PTPRN: variants seen among roughly 807,000 people sequenced by gnomAD.
The protein encoded by PTPRN is protein tyrosine phosphatase receptor type N, also known as receptor-type tyrosine-protein phosphatase-like N.
A neutral mutation model predicts 108.5 loss-of-function variants in PTPRN; 70 were observed. The ratio of observed to expected loss-of-function variants is 0.65; its 90% confidence interval spans 0.53 to 0.79. The LOEUF (loss-of-function observed/expected upper bound fraction) is 0.79. Ranked by LOEUF, PTPRN falls within the 30% of genes least tolerant of loss-of-function variation. The pLI, the probability that PTPRN is intolerant of heterozygous loss-of-function variation, is 0.00. For missense variants in PTPRN, 1,136 were observed against 1,295.5 expected, an observed-to-expected ratio of 0.88 and a Z score of 1.89; for synonymous variants, 496 against 524.6, an observed-to-expected ratio of 0.95 and a Z score of 0.75.
At chr2:219,307,979 T>C (rs1952526207) in intron 1 of PTPRN, 137 bp from the exon 2 acceptor site, 3 of 801,962 alleles carry the variant, frequency 3.7e-6, no homozygotes, top group Non-Finnish European at 6.2e-6. Context: ...GGGAGGAGAG[T>C]AGGAATCAGG....
At chr2:219,298,925 C>T in intron 12 of PTPRN, 122 bp downstream of exon 12, 6 of 1,214,492 alleles carry the variant, frequency 4.9e-6, no homozygotes, top group Admixed American at 3.4e-5. Context: ...CGAAGGCCGC[C>T]TCCAGCCAGC....
At position 219,294,923 on chromosome 2, in the gene PTPRN, C is replaced by G. The variant is rs1952146857; in HGVS notation, c.2675+52G>C. 4 of 1,393,152 alleles carry G rather than the reference C, an allele frequency of 2.9e-6. 1 individual carries two copies. Among genetic ancestry groups the G allele is most frequent in the Middle Eastern group, 5.2e-4 (2 of 3,868 alleles). The allele number at this position is 1,393,152 out of a possible 1,614,324, so 86.3% of individuals were successfully genotyped here. On this transcript the variant is annotated intron_variant, in intron 19 of 22. Coordinates refer to ENST00000295718, the MANE Select transcript of PTPRN (RefSeq NM_002846.4). ...TCCAGGCCGAGCGGCGGGCGGACCCCGGCTCCGCCCCCGCCCATGCGGTCC... is the reference window on the plus strand; with the variant it reads ...TCCAGGCCGAGCGGCGGGCGGACCCGGGCTCCGCCCCCGCCCATGCGGTCC...
intron 19 of PTPRN, chr2:219,292,884 G>C (rs1176241591): frequency 6.6e-6 from 1 of 152,206 alleles, no homozygotes; most frequent in East Asian, 1.9e-4. Flanking sequence ...ACATGTGAGG[G>C]ATCTAGGTTG....
At position 219,309,365 on chromosome 2, in the gene PTPRN, G is replaced by A. The variant is rs1574937427; in HGVS notation, c.-33C>T. 4 of 1,199,040 alleles carry A rather than the reference G, an allele frequency of 3.3e-6. No homozygotes were observed. The highest frequency in any genetic ancestry group is 3.3e-5 in the Admixed American group (1 of 29,898). 74.3% of individuals were successfully genotyped at this position (1,199,040 alleles called of 1,614,324 possible). On this transcript the variant is annotated 5_prime_UTR_variant, in exon 1 of 23. Transcript: ENST00000295718. Reference sequence around the variant, plus strand: ...AGCTCCGGGCGCTCGCTCCCGGGCCGGAGCCGCAGCGACGCTGGCGGGAGC... The same window carrying A: ...AGCTCCGGGCGCTCGCTCCCGGGCCAGAGCCGCAGCGACGCTGGCGGGAGC...
Position 219,296,684 on chromosome 2 carries a change from A to T in PTPRN, c.2310+65T>A. On this transcript the variant is annotated intron_variant, in intron 16 of 22. Coordinates refer to ENST00000295718, the MANE Select transcript of PTPRN (RefSeq NM_002846.4). This position sits in a 1 kb window ranked among gnomAD's most constrained non-coding sequence, Gnocchi z 6.0. ...GTGGGGTGGCAGGTGACCACGGGGA[A>T]ATGGAGTGCATAGGGCCAGGATAAT... 6.3e-7 allele frequency: 1 copy of T among 1,593,778 alleles called. No homozygotes were observed. Among genetic ancestry groups the T allele is most frequent in the Non-Finnish European group, 8.6e-7 (1 of 1,166,252 alleles).
rs1295016678 is a variant in PTPRN at position 219,296,979 on chromosome 2, A to G, written c.2236+6T>C. ...TGGGCCAGGTGGGCCAGCAGGGTTC[A>G]CTCACAGGGCAGGAAGTCAGGATGC... is the stretch of plus-strand genomic sequence containing the variant. On this transcript the variant is annotated splice_donor_region_variant and intron_variant, in intron 15 of 22. Transcript: ENST00000295718. This position sits in a 1 kb window ranked among gnomAD's most constrained non-coding sequence, Gnocchi z 6.0. 5 of 1,613,420 alleles carry G rather than the reference A, an allele frequency of 3.1e-6. No homozygotes were observed. The highest frequency in any genetic ancestry group is 4.2e-6 in the Non-Finnish European group (5 of 1,179,848).
rs201186808 is a variant in PTPRN at position 219,302,219 on chromosome 2, C to A, written c.912G>T (p.Arg304=). 6.2e-6 allele frequency: 10 copies of A among 1,614,106 alleles called. No homozygotes were observed. Among genetic ancestry groups the A allele is most frequent in the Non-Finnish European group, 8.5e-6 (10 of 1,179,992 alleles). Residue 304 remains arginine (R), a synonymous_variant, in exon 6 of 23, where the codon CGG becomes CGT. Transcript: ENST00000295718. The part of the protein sequence containing the change: ...PRLPEQGSSS[R]AEDSPEGYEK... ...CATAGCCCTCTGGGGAGTCCTCTGC[C>A]CGGCTGCTGCTCCCTTGCTCTGGCA...
Position 219,296,014 on chromosome 2 carries a change from T to C in PTPRN, c.2508+212A>G, listed in dbSNP as rs951228632. On this transcript the variant is annotated intron_variant, in intron 18 of 22. Transcript: ENST00000295718. This position sits in a 1 kb window ranked among gnomAD's most constrained non-coding sequence, Gnocchi z 6.0. ...CACACACACACACACATGTATGTTCTGTAAACAGGACACACACATGTATAT... is the reference window on the plus strand; with the variant it reads ...CACACACACACACACATGTATGTTCCGTAAACAGGACACACACATGTATAT... The C allele has an allele frequency of 1.4e-5, 9 of 648,664 alleles. No individual in the cohort carries two copies. Among genetic ancestry groups the C allele is most frequent in the African/African-American group, 1.1e-4 (6 of 54,606 alleles). The allele number at this position is 648,664 out of a possible 1,614,324, so 40.2% of individuals were successfully genotyped here. A position where few individuals can be genotyped will look rare whatever the true frequency, so the allele number is the denominator to read the frequency against.
In PTPRN at chr2:219,302,183, T is replaced by C; in HGVS notation, c.948A>G (p.Gly316=). Residue 316 remains glycine, a synonymous_variant, in exon 6 of 23, where the codon GGA becomes GGG. Coordinates refer to ENST00000295718, the MANE Select transcript of PTPRN (RefSeq NM_002846.4). ...CAGGCTTCTCTCCACGATCCCCTAGTCCTTCCTTCTCATAGCCCTCTGGGG... is the reference window on the plus strand; with the variant it reads ...CAGGCTTCTCTCCACGATCCCCTAGCCCTTCCTTCTCATAGCCCTCTGGGG... ...EDSPEGYEKE[G]LGDRGEKPAS... 3 of 1,608,302 alleles carry C rather than the reference T, an allele frequency of 1.9e-6. No homozygotes were observed. The highest frequency in any genetic ancestry group is 2.6e-6 in the Non-Finnish European group (3 of 1,175,510).
At chr2:219,304,127 C>A in intron 3 of PTPRN, 2 of 245,376 alleles carry the variant, frequency 8.2e-6, no homozygotes, top group Non-Finnish European at 1.6e-5. Context: ...GGATTTATAC[C>A]TCCTAGGATT....
chr2:219,296,020 C>T lies in PTPRN; in HGVS notation c.2508+206G>A. ...CACACACACATGTATGTTCTGTAAA[C>T]AGGACACACACATGTATATATGTGA... On this transcript the variant is annotated intron_variant, in intron 18 of 22. Coordinates refer to ENST00000295718, the MANE Select transcript of PTPRN (RefSeq NM_002846.4). The surrounding 1 kb of genome is among the most constrained non-coding windows in gnomAD (Gnocchi z 6.0). 1.5e-6 allele frequency: 1 copy of T among 656,818 alleles called. No individual in the cohort carries two copies. 40.7% of individuals were successfully genotyped at this position (656,818 alleles called of 1,614,324 possible).
In PTPRN at chr2:219,302,676, A is replaced by C. The variant is rs758325118; in HGVS notation, c.539T>G (p.Leu180Arg). The C allele has an allele frequency of 6.2e-7, 1 of 1,613,236 alleles. No homozygotes were observed. Among genetic ancestry groups the C allele is most frequent in the Admixed American group, 1.7e-5 (1 of 59,938 alleles). ...CAGGTGCTCCAAGAGAGGCGGGAGC[A>C]GCTCAGCCTGCAGAGGGGACAGAGA... is the stretch of plus-strand genomic sequence containing the variant. ...SSSLSPLQAELLPPLLEHLLL... is the reference protein window; with the variant it reads ...SSSLSPLQAERLPPLLEHLLL... Residue 180 changes from leucine (L) to arginine (R), a missense_variant, in exon 5 of 23, where the codon CTG (leucine) becomes CGG (arginine). Physicochemically the swap from Leu to Arg is moderately radical, Grantham distance 102. Coordinates refer to ENST00000295718, the MANE Select transcript of PTPRN (RefSeq NM_002846.4).
At position 219,290,266 on chromosome 2, in the gene PTPRN, G is replaced by A. The variant is rs760812099; in HGVS notation, c.2900C>T (p.Ala967Val). The change falls in exon 23 of 23, where the codon GCG becomes GTG. Residue 967 changes from alanine (A) to valine (V), a missense_variant. Transcript: ENST00000295718. This position sits in a 1 kb window ranked among gnomAD's most constrained non-coding sequence, Gnocchi z 4.2. The part of the protein sequence containing the change: ...DQFEFALTAV[A>V]EEVNAILKAL... ...CTTGAGGATGGCATTCACTTCCTCC[G>A]CCACGGCTGTCAGGGCAAATTCAAA... 65 of 1,613,854 alleles carry A rather than the reference G, an allele frequency of 4.0e-5. No individual in the cohort carries two copies. The highest frequency in any genetic ancestry group is 5.1e-5 in the Non-Finnish European group (60 of 1,179,920).
chr2:219,304,248 T>G (rs1411571223), intron 3 of PTPRN: 1 of 155,254 alleles, frequency 6.4e-6, no homozygotes, highest in Non-Finnish European at 1.4e-5. Context: ...CTATTGTTAT[T>G]ATTCTTTGTG....
chr2:219,307,343 A>G, intron 3 of PTPRN, 101 bp downstream of exon 3: 2 of 979,626 alleles, frequency 2.0e-6, no homozygotes, highest in Non-Finnish European at 3.1e-6. Flanking sequence ...GTGAGGCTCC[A>G]GCAGTGGGGG....
At chr2:219,307,385 T>C in intron 3 of PTPRN, 59 bp downstream of exon 3, 1 of 1,394,102 alleles carries the variant, frequency 7.2e-7, no homozygotes, top group East Asian at 2.3e-5. Context: ...AGAAATCTTC[T>C]TCCCCACCCA....
chr2:219,302,983 G>A (rs1278413179), intron 4 of PTPRN, 146 bp from the exon 5 acceptor site: 2 of 500,386 alleles, frequency 4.0e-6, no homozygotes, highest in Non-Finnish European at 6.6e-6. Flanking sequence ...GGGGAAGAGA[G>A]ATGGGCTGGG....
Position 219,297,798 on chromosome 2 carries a change from T to G in PTPRN, c.1887+87A>C. The stretch of plus-strand genomic sequence containing the variant: ...CCCAGGGATGAGGGCTCACTCCCCA[T>G]TCAGTTCCGACCCTTAGTCCACGCA... On this transcript the variant is annotated intron_variant, in intron 13 of 22. Coordinates refer to ENST00000295718, the MANE Select transcript of PTPRN (RefSeq NM_002846.4). The surrounding 1 kb of genome is among the most constrained non-coding windows in gnomAD (Gnocchi z 6.0). The G allele has an allele frequency of 1.4e-6, 2 of 1,433,796 alleles. No individual in the cohort carries two copies. 88.8% of individuals were successfully genotyped at this position (1,433,796 alleles called of 1,614,324 possible).
rs553448494 is a variant in PTPRN, at chr2:219,297,820, C to T, written c.1887+65G>A. The T allele has an allele frequency of 7.4e-5, 111 of 1,506,924 alleles. No individual in the cohort carries two copies. The highest frequency in any genetic ancestry group is 2.4e-4 in the Middle Eastern group (1 of 4,208). 93.3% of individuals were successfully genotyped at this position (1,506,924 alleles called of 1,614,324 possible). On this transcript the variant is annotated intron_variant, in intron 13 of 22. Coordinates refer to ENST00000295718, the MANE Select transcript of PTPRN (RefSeq NM_002846.4). The surrounding 1 kb of genome is among the most constrained non-coding windows in gnomAD (Gnocchi z 6.0). ...CCATTCAGTTCCGACCCTTAGTCCACGCAAGACCCAGACTCCCAGGCCCCT... is the reference window on the plus strand; with the variant it reads ...CCATTCAGTTCCGACCCTTAGTCCATGCAAGACCCAGACTCCCAGGCCCCT...
Sources: allele counts gnomAD v4.1 joint callset, GRCh38; gene constraint gnomAD v4.1.1; non-coding constraint Gnocchi (gnomAD v3.1); transcripts MANE v1.5; gene names NCBI Gene and HGNC (gene_info 2026-07-23, HGNC 2026-07-21).